FOCAD: variants seen among roughly 807,000 people sequenced by gnomAD.
The protein encoded by FOCAD is KIAA1797.
FOCAD carries 198 observed loss-of-function variants against 225.6 expected under a neutral mutation model. That is an observed-to-expected ratio of 0.88 (90% CI 0.78 to 0.99). The LOEUF (loss-of-function observed/expected upper bound fraction) is 0.99. Ranked by LOEUF, FOCAD falls within the 50% of genes least tolerant of loss-of-function variation. FOCAD has a pLI of 0.00. For missense variants in FOCAD, 2,713 were observed against 2,123.6 expected (o/e 1.28, Z -5.46); for synonymous variants, 897 against 755.0 (o/e 1.19, Z -3.08).
intron 2 of FOCAD, among the ~76,000 whole-genome samples, chr9:20,717,253 A>C (rs1043329089): frequency 6.6e-6 from 1 of 152,222 alleles, no homozygotes; most frequent in African/African-American, 2.4e-5. Flanking sequence ...CAGGACTGAC[A>C]GTTATTCACA....
At chr9:20,927,181 C>G (rs1287022877) in intron 26 of FOCAD, among the ~76,000 whole-genome samples, 1 of 152,026 alleles carries the variant, frequency 6.6e-6, no homozygotes, top group Non-Finnish European at 1.5e-5. Context: ...TAAACATTGG[C>G]TGAAATGTGG....
intron 28 of FOCAD, among the ~76,000 whole-genome samples, chr9:20,943,258 G>A (rs34540000): frequency 0.26 from 39,748 of 152,146 alleles, 5,492 homozygotes; most frequent in South Asian, 0.35. Context: ...TGTAACAGCA[G>A]TTCTGCCTGA....
chr9:20,835,967 C>T (rs1279238273), intron 15 of FOCAD, among the ~76,000 whole-genome samples: 2 of 152,078 alleles, frequency 1.3e-5, no homozygotes, highest in East Asian at 3.9e-4. Flanking sequence ...CCATTTGTCA[C>T]AGCAGTGATT....
intron 35 of FOCAD, among the ~76,000 whole-genome samples, chr9:20,975,359 T>C (rs1192410011): frequency 6.6e-6 from 1 of 152,220 alleles, no homozygotes; most frequent in Non-Finnish European, 1.5e-5. Flanking sequence ...TGGTACTATG[T>C]CATAGGCAGC....
chr9:20,815,278 C>A (rs1454716152), intron 11 of FOCAD, among the ~76,000 whole-genome samples: 3 of 149,716 alleles, frequency 2.0e-5, no homozygotes, highest in Non-Finnish European at 4.5e-5. Flanking sequence ...AGATTACAGG[C>A]ATGCACCACC....
intron 41 of FOCAD, among the ~76,000 whole-genome samples, chr9:20,989,050 C>T (rs1841433016): frequency 6.6e-6 from 1 of 152,180 alleles, no homozygotes. Flanking sequence ...AAGACGAAGA[C>T]AGCTCTTTCC....
intron 1 of FOCAD, among the ~76,000 whole-genome samples, chr9:20,687,858 G>A (rs189944699): frequency 6.6e-6 from 1 of 152,260 alleles, no homozygotes; most frequent in African/African-American, 2.4e-5. Flanking sequence ...ATAGTATAGT[G>A]GGGGATAGAG....
At position 20,981,534 on chromosome 9, in the gene FOCAD, G is replaced by A. The variant is rs766049519; in HGVS notation, c.4486G>A (p.Ala1496Thr). 2.5e-6 allele frequency: 4 copies of A among 1,614,064 alleles called. No homozygotes were observed. The South Asian group carries it at 4.4e-5, about 18-fold the overall frequency. The change falls in exon 38 of 44, where the codon GCA becomes ACA. Residue 1496 changes from alanine (A) to threonine (T), a missense_variant. Physicochemically the swap from Ala to Thr is moderately conservative, Grantham distance 58. Transcript: ENST00000338382. ...VENLMVAVFK[A>T]ASPLGSPELC... ...AAATTTAATGGTGGCAGTTTTTAAA[G>A]CAGCTTCCCCACTTGGAAGTCCTGA...
intron 35 of FOCAD, 150 bp from the exon 36 acceptor site, chr9:20,976,270 A>G: frequency 1.5e-6 from 1 of 653,792 alleles, no homozygotes; most frequent in Non-Finnish European, 2.4e-6. Context: ...ATGGAGTTGA[A>G]ATTAAGAGCA....
chr9:20,995,533 A>G (rs1841996214), intron 43 of FOCAD, 23 bp from the exon 44 acceptor site: 3 of 1,599,816 alleles, frequency 1.9e-6, no homozygotes, highest in African/African-American at 1.3e-5. Flanking sequence ...AAATGCAGCC[A>G]TACCTATATT....
chr9:20,738,725 T>C (rs997347296), intron 4 of FOCAD, among the ~76,000 whole-genome samples: 2 of 152,202 alleles, frequency 1.3e-5, no homozygotes, highest in African/African-American at 4.8e-5. Flanking sequence ...TATTTGAGTG[T>C]CTACAGCAGT....
chr9:20,820,492 T>C lies in FOCAD; in HGVS notation c.1662+67T>C. The C allele has an allele frequency of 3.7e-6, 5 of 1,351,678 alleles. No individual in the cohort carries two copies. The South Asian group carries it at 6.0e-5, about 16-fold the overall frequency. The allele number at this position is 1,351,678 out of a possible 1,614,324, so 83.7% of individuals were successfully genotyped here. ...CTTTCACTGAAGGAAAATAATTATG[T>C]CATATATGGCAATGCTTTGGTTTAG... On this transcript the variant is annotated intron_variant, in intron 13 of 43. Transcript: ENST00000338382.
chr9:20,838,877 T>A (rs1826241103), intron 15 of FOCAD, among the ~76,000 whole-genome samples: 1 of 152,090 alleles, frequency 6.6e-6, no homozygotes, highest in South Asian at 2.1e-4. Context: ...AATATTAGAG[T>A]ATTTCTTATT....
intron 21 of FOCAD, among the ~76,000 whole-genome samples, chr9:20,891,439 A>G (rs964050189): frequency 1.6e-4 from 24 of 152,212 alleles, no homozygotes; most frequent in African/African-American, 5.3e-4. Flanking sequence ...GAATGCAAAG[A>G]AAAGGTTCTT....
intron 35 of FOCAD, among the ~76,000 whole-genome samples, chr9:20,962,417 C>CACACACATACATACATACAT (rs142051827): frequency 2.5e-4 from 37 of 149,196 alleles, no homozygotes; most frequent in African/African-American, 9.2e-4. Flanking sequence ...TATACACACA[C>CACACACATACATACATACAT]ACATACATAC....
rs1247839278 is a variant in FOCAD at position 20,721,900 on chromosome 9, CTCCCTTTCCTTTTCCT to C, written c.287+1371_287+1386del. 1.2e-4 allele frequency among the ~76,000 whole-genome samples: 9 copies of C among 77,982 alleles called. 1 individual carries two copies. The South Asian group carries it at 4.0e-3, about 35-fold the overall frequency. The allele number at this position is 77,982 out of a possible 152,430, so 51.2% of individuals were successfully genotyped here. A position where few individuals can be genotyped will look rare whatever the true frequency, so the allele number is the denominator to read the frequency against. ...CTCCCCTCCCCTTCCTCCCCCTCCC[CTCCCTTTCCTTTTCCT>C]TCCCCTTCCTCTCCCCTCCCCTTCC... On this transcript the variant is annotated intron_variant, in intron 4 of 43. Transcript: ENST00000338382.
chr9:20,716,011 C>A, intron 2 of FOCAD: 1 of 325,946 alleles, frequency 3.1e-6, no homozygotes, highest in South Asian at 3.1e-5. Context: ...GAGAGTAAAG[C>A]TAACAGACCA....
chr9:20,859,474 T>C (rs1339890881), intron 15 of FOCAD, among the ~76,000 whole-genome samples: 2 of 151,334 alleles, frequency 1.3e-5, no homozygotes, highest in Non-Finnish European at 2.9e-5. Flanking sequence ...AAGATTGTTG[T>C]TTTGTCTTTG....
At chr9:20,680,547 C>CT (rs1485489694), upstream of FOCAD, among the ~76,000 whole-genome samples, 3 of 151,922 alleles carry the variant, frequency 2.0e-5, no homozygotes, top group Non-Finnish European at 4.4e-5. Context: ...GAGCAAGACT[C>CT]TGTCTCAAAA....
Sources: allele counts gnomAD v4.1 joint callset (sites outside exome capture counted in the v4.1 genomes callset), GRCh38; gene constraint gnomAD v4.1.1; transcripts MANE v1.5; gene names NCBI Gene and HGNC (gene_info 2026-07-23, HGNC 2026-07-21).